Variants in FOXN3 observed in about 807,000 individuals in gnomAD.
The protein encoded by FOXN3 is forkhead box N3, also known as forkhead box protein N3.
FOXN3 carries 7 observed loss-of-function variants against 38.4 expected under a neutral mutation model. The ratio of observed to expected loss-of-function variants is 0.18; its 90% confidence interval spans 0.10 to 0.34. FOXN3 has a LOEUF of 0.34. Among genes scored for constraint, FOXN3 ranks in the 10% least tolerant of loss-of-function variants. The pLI is 1.00. For synonymous variants in FOXN3, 230 were observed against 242.2 expected (o/e 0.95, Z 0.47); for missense variants, 456 against 613.4 (o/e 0.74, Z 2.71).
chr14:89,586,692 T>C (rs1895850244), intron 1 of FOXN3, among the ~76,000 whole-genome samples: 1 of 152,220 alleles, frequency 6.6e-6, no homozygotes, highest in South Asian at 2.1e-4. Context: ...AGATTTAAAC[T>C]AAACAGGCTC....
At chr14:89,274,512 C>T (rs1183476488) in intron 4 of FOXN3, among the ~76,000 whole-genome samples, 1 of 152,106 alleles carries the variant, frequency 6.6e-6, no homozygotes, top group Non-Finnish European at 1.5e-5. Flanking sequence ...GACCTTGGGC[C>T]TCAGGTTTGA....
chr14:89,222,706 G>A (rs981163142), intron 4 of FOXN3, among the ~76,000 whole-genome samples: 1 of 152,116 alleles, frequency 6.6e-6, no homozygotes, highest in East Asian at 1.9e-4. Flanking sequence ...CTAGGAAGGC[G>A]ATGCCCAAAA....
At chr14:89,345,536 A>G (rs1476594802) in intron 3 of FOXN3, among the ~76,000 whole-genome samples, 2 of 152,158 alleles carry the variant, frequency 1.3e-5, no homozygotes, top group Non-Finnish European at 2.9e-5. Flanking sequence ...TTTGGGTTAC[A>G]TGGATAAATT....
chr14:89,268,809 T>C (rs1415763283), intron 4 of FOXN3, among the ~76,000 whole-genome samples: 5 of 152,058 alleles, frequency 3.3e-5, no homozygotes, highest in Non-Finnish European at 7.4e-5. Context: ...CTATGGGAAG[T>C]GGAGGGGTGG....
intron 2 of FOXN3, among the ~76,000 whole-genome samples, chr14:89,394,404 G>A (rs541544951): frequency 6.6e-6 from 1 of 151,468 alleles, no homozygotes; most frequent in Admixed American, 6.6e-5. Flanking sequence ...ATGGGGTTTC[G>A]CCATGTTGGC....
At chr14:89,475,731 C>T (rs1198550511) in intron 1 of FOXN3, among the ~76,000 whole-genome samples, 5 of 152,290 alleles carry the variant, frequency 3.3e-5, no homozygotes, top group Admixed American at 6.5e-5. Flanking sequence ...CAGCCTTGTG[C>T]CATTCCATAA....
At chr14:89,360,790 C>CCACCACCACCTCCAG (rs1566966512) in intron 2 of FOXN3, among the ~76,000 whole-genome samples, 8 of 66,994 alleles carry the variant, frequency 1.2e-4, no homozygotes, top group Admixed American at 3.3e-4. Context: ...ACCACCTCCA[C>CCACCACCACCTCCAG]CACCACCACC....
intron 1 of FOXN3, among the ~76,000 whole-genome samples, chr14:89,558,759 G>A (rs1271994501): frequency 6.6e-6 from 1 of 152,194 alleles, no homozygotes; most frequent in South Asian, 2.1e-4. Context: ...CATGCCAGAG[G>A]TGAGCAAGGA....
At chr14:89,165,876 G>A (rs1887228899) in intron 5 of FOXN3, among the ~76,000 whole-genome samples, 1 of 152,184 alleles carries the variant, frequency 6.6e-6, no homozygotes, top group Admixed American at 6.5e-5. Flanking sequence ...AGTAAAGTGG[G>A]CTATATTTAG....
chr14:89,533,619 ACCACTGCACTC>A lies in FOXN3; in HGVS notation c.-15+85398_-15+85408del, dbSNP rs1894620701. Among the ~76,000 whole-genome samples, 3 of 134,540 alleles carry A rather than the reference ACCACTGCACTC, an allele frequency of 2.2e-5. No individual in the cohort carries two copies. In the Admixed American group the frequency reaches 2.6e-4, roughly 12 times the overall value. The allele number at this position is 134,540 out of a possible 152,430, so 88.3% of individuals were successfully genotyped here. On this transcript the variant is annotated intron_variant, in intron 1 of 6. Coordinates refer to the FOXN3 transcript ENST00000345097. ...GGAGCTTGCAGTGAGCGGAGATCGC[ACCACTGCACTC>A]CAGCCTGGGTGACAGAGGGAGACTC...
chr14:89,398,780 G>A (rs1177738546), intron 2 of FOXN3, among the ~76,000 whole-genome samples: 1 of 152,218 alleles, frequency 6.6e-6, no homozygotes, highest in Non-Finnish European at 1.5e-5. Flanking sequence ...GAGGTCGGGA[G>A]TTCAAGACCA....
At chr14:89,190,312 T>G in intron 4 of FOXN3, 1 of 1,163,840 alleles carries the variant, frequency 8.6e-7, no homozygotes, top group Non-Finnish European at 1.3e-6. Flanking sequence ...GTTCTTCCTA[T>G]GACCTGGTGT....
intron 1 of FOXN3, among the ~76,000 whole-genome samples, chr14:89,529,828 C>T (rs1229195350): frequency 6.6e-6 from 1 of 152,096 alleles, no homozygotes; most frequent in Non-Finnish European, 1.5e-5. Flanking sequence ...ATCCCCTGAG[C>T]CCAGGAGTAT....
chr14:89,373,004 A>C (rs1169837337), intron 2 of FOXN3, among the ~76,000 whole-genome samples: 1 of 152,050 alleles, frequency 6.6e-6, no homozygotes. Flanking sequence ...CATCTCTACC[A>C]AAAATTTAAA....
intron 1 of FOXN3, among the ~76,000 whole-genome samples, chr14:89,546,689 A>G (rs148420956): frequency 8.3e-4 from 127 of 152,258 alleles, no homozygotes; most frequent in African/African-American, 3.0e-3. Flanking sequence ...AATTTCCTGT[A>G]TAACCTTTGC....
intron 1 of FOXN3, among the ~76,000 whole-genome samples, chr14:89,529,742 A>G (rs1894516336): frequency 6.6e-6 from 1 of 151,994 alleles, no homozygotes; most frequent in African/African-American, 2.4e-5. Flanking sequence ...ATGCTTCTGG[A>G]TTATAATTAA....
chr14:89,349,961 A>G (rs183400547), intron 3 of FOXN3, among the ~76,000 whole-genome samples: 57 of 152,304 alleles, frequency 3.7e-4, no homozygotes, highest in Non-Finnish European at 7.9e-4. Context: ...TGCACTTCAA[A>G]TTCAAGTACT....
At chr14:89,358,267 G>A (rs1381186522) in intron 2 of FOXN3, among the ~76,000 whole-genome samples, 1 of 152,196 alleles carries the variant, frequency 6.6e-6, no homozygotes, top group Admixed American at 6.5e-5. Context: ...CTGCCCTACA[G>A]CTCCAATACT....
intron 3 of FOXN3, among the ~76,000 whole-genome samples, chr14:89,322,247 G>A (rs532458561): frequency 3.3e-5 from 5 of 152,272 alleles, no homozygotes; most frequent in East Asian, 3.9e-4. Flanking sequence ...GTAAGATCTC[G>A]TAGTGCCAAA....
Sources: allele counts gnomAD v4.1 joint callset (sites outside exome capture counted in the v4.1 genomes callset), GRCh38; gene constraint gnomAD v4.1.1; transcripts MANE v1.5; gene names NCBI Gene and HGNC (gene_info 2026-07-23, HGNC 2026-07-21).